The following SP3 variants were observed in gnomAD, a reference collection of about 807,000 sequenced individuals.
The protein encoded by SP3 is Sp3 transcription factor.
Under a neutral mutation model 70.3 loss-of-function variants are expected in SP3, and 10 were observed. The ratio of observed to expected loss-of-function variants is 0.14; its 90% CI spans 0.09 to 0.24. SP3 has a LOEUF of 0.24. Among genes scored for constraint, SP3 ranks in the 10% least tolerant of loss-of-function variants. The pLI, the probability that SP3 is intolerant of heterozygous loss-of-function variation, is 1.00. For missense variants in SP3, 825 were observed against 914.6 expected (o/e 0.90, Z 1.26); for synonymous variants, 402 against 333.5 (o/e 1.21, Z -2.24).
At position 173,945,295 on chromosome 2, in the gene SP3, C is replaced by T. The variant is rs540097357; in HGVS notation, c.1639+9578G>A. Among the ~76,000 whole-genome samples, 10 of 152,322 alleles carry T rather than the reference C, an allele frequency of 6.6e-5. No individual in the cohort carries two copies. The South Asian group carries it at 2.1e-3, about 32-fold the overall frequency. On this transcript the variant is annotated intron_variant, in intron 4 of 6. Transcript: ENST00000310015. Reference sequence around the variant, plus strand: ...AATTTAAAATACCCAATTTCTTCCACATACTGTTCCCACTACATCAGAAGA... The same window carrying T: ...AATTTAAAATACCCAATTTCTTCCATATACTGTTCCCACTACATCAGAAGA...
intron 4 of SP3, among the ~76,000 whole-genome samples, chr2:173,949,613 A>G (rs539647127): frequency 1.6e-4 from 25 of 152,304 alleles, no homozygotes; most frequent in Admixed American, 6.5e-4. Context: ...GTAGGAGCCC[A>G]TAAGAGATCC....
intron 4 of SP3, among the ~76,000 whole-genome samples, chr2:173,947,386 T>A (rs1190720315): frequency 6.6e-6 from 1 of 152,190 alleles, no homozygotes; most frequent in Admixed American, 6.5e-5. Context: ...CTAAAGGTTG[T>A]CTTTTTTCTC....
At chr2:173,918,881 T>A in intron 4 of SP3, 96 bp from the exon 5 acceptor site, 2 of 1,027,686 alleles carry the variant, frequency 1.9e-6, no homozygotes, top group Non-Finnish European at 2.8e-6. Context: ...GTTACAACTT[T>A]GCATGCACTA....
intron 1 of SP3, 131 bp from the exon 2 acceptor site, chr2:173,964,684 CCGGCGGCGGCGG>C (rs1174348131): frequency 1.6e-5 from 6 of 378,584 alleles, no homozygotes; most frequent in Admixed American, 1.0e-4. Flanking sequence ...CACCCGCCCC[CCGGCGGCGGCGG>C]CGGCGGCGGC....
At chr2:173,936,582 G>A (rs929347799) in intron 4 of SP3, among the ~76,000 whole-genome samples, 6 of 152,068 alleles carry the variant, frequency 3.9e-5, no homozygotes, top group African/African-American at 1.2e-4. Context: ...ATTTCCCAAA[G>A]TAGTTCCTCA....
chr2:173,937,250 T>G (rs895489169), intron 4 of SP3, among the ~76,000 whole-genome samples: 1 of 152,176 alleles, frequency 6.6e-6, no homozygotes, highest in Non-Finnish European at 1.5e-5. Context: ...TATTAAAAAT[T>G]TATCTGACTT....
At chr2:173,964,634 A>C (rs1220098023) in intron 1 of SP3, 81 bp from the exon 2 acceptor site, 4 of 574,578 alleles carry the variant, frequency 7.0e-6, no homozygotes, top group East Asian at 3.6e-5. Context: ...CCGAAGCGAA[A>C]TTACTCCCAA....
In SP3 at chr2:173,901,312, A is replaced by G. The variant is rs1689186049; in HGVS notation, c.*8629T>C. 6.6e-6 allele frequency among the ~76,000 whole-genome samples: 1 copy of G among 152,156 alleles called. No homozygotes were observed. Among genetic ancestry groups the G allele is most frequent in the South Asian group, 2.1e-4 (1 of 4,828 alleles). On this transcript the variant is annotated 3_prime_UTR_variant, in exon 7 of 7. Coordinates refer to ENST00000310015, the MANE Select transcript of SP3 (RefSeq NM_003111.5). ...GATACAATAAAACTTCTGCAAAACA[A>G]CACACACAAAACACCATAAACAAAA...
chr2:173,963,921 G>A (rs750805657), intron 2 of SP3, 38 bp from the exon 3 acceptor site: 6 of 1,397,588 alleles, frequency 4.3e-6, no homozygotes, highest in South Asian at 2.9e-5. Context: ...GGAGACAGGG[G>A]GAGGGGGTGG....
intron 4 of SP3, among the ~76,000 whole-genome samples, chr2:173,951,085 ATTACT>A (rs1005616428): frequency 2.0e-5 from 3 of 152,208 alleles, no homozygotes; most frequent in South Asian, 2.1e-4. Flanking sequence ...TTGAAAAGAA[ATTACT>A]TTACTGAAGA....
intron 4 of SP3, among the ~76,000 whole-genome samples, chr2:173,954,259 T>C (rs921381304): frequency 3.3e-5 from 5 of 152,256 alleles, no homozygotes; most frequent in Non-Finnish European, 5.9e-5. Flanking sequence ...CAGAAATGTC[T>C]ACCCATACTA....
chr2:173,923,068 A>G (rs1002640593), intron 4 of SP3, among the ~76,000 whole-genome samples: 4 of 152,248 alleles, frequency 2.6e-5, no homozygotes, highest in Admixed American at 2.0e-4. Flanking sequence ...GAGGAAAAGT[A>G]TGCAAAAAAT....
intron 5 of SP3, chr2:173,914,849 T>C (rs957190221): frequency 6.6e-6 from 1 of 152,186 alleles, no homozygotes; most frequent in African/African-American, 2.4e-5. Flanking sequence ...TTAATTTAGA[T>C]TTTTAAATTT....
At chr2:173,935,884 G>C (rs1176458355) in intron 4 of SP3, among the ~76,000 whole-genome samples, 2 of 141,732 alleles carry the variant, frequency 1.4e-5, no homozygotes, top group African/African-American at 3.2e-5. Context: ...ATTCCTGATA[G>C]CTAATCACCA....
chr2:173,926,046 G>C (rs1035529557), intron 4 of SP3, among the ~76,000 whole-genome samples: 1 of 152,164 alleles, frequency 6.6e-6, no homozygotes, highest in Admixed American at 6.5e-5. Context: ...CTAAAGATCT[G>C]AAGCTGCCTA....
intron 4 of SP3, among the ~76,000 whole-genome samples, chr2:173,930,582 T>C (rs1483550399): frequency 6.6e-6 from 1 of 152,214 alleles, no homozygotes; most frequent in African/African-American, 2.4e-5. Flanking sequence ...AAAATACAAT[T>C]TGTTTTCCAA....
intron 4 of SP3, among the ~76,000 whole-genome samples, chr2:173,931,731 T>C (rs1690073415): frequency 6.6e-6 from 1 of 152,220 alleles, no homozygotes; most frequent in African/African-American, 2.4e-5. Context: ...ACTTGCAGCC[T>C]TGTCTTTATG....
chr2:173,946,756 T>A (rs1690553099), intron 4 of SP3, among the ~76,000 whole-genome samples: 1 of 146,096 alleles, frequency 6.8e-6, no homozygotes, highest in African/African-American at 2.5e-5. Context: ...AGGGCCTCGG[T>A]CTGTCACCAG....
At chr2:173,947,623 A>G (rs1372623275) in intron 4 of SP3, among the ~76,000 whole-genome samples, 1 of 152,110 alleles carries the variant, frequency 6.6e-6, no homozygotes, top group Non-Finnish European at 1.5e-5. Context: ...TATCTCACTG[A>G]CAATTGCAAG....
Sources: allele counts gnomAD v4.1 joint callset (sites outside exome capture counted in the v4.1 genomes callset), GRCh38; gene constraint gnomAD v4.1.1; transcripts MANE v1.5; gene names NCBI Gene and HGNC (gene_info 2026-07-23, HGNC 2026-07-21).